RFX3: variants seen among roughly 807,000 people sequenced by gnomAD.
RFX3 encodes transcription factor RFX3.
RFX3 carries 14 observed loss-of-function variants against 98.6 expected under a neutral mutation model. That is an observed-to-expected ratio of 0.14 (90% CI 0.09 to 0.22). RFX3 has a LOEUF of 0.22. Among genes scored for constraint, RFX3 ranks in the 10% least tolerant of loss-of-function variants. The probability of loss-of-function intolerance (pLI) is 1.00; values close to 1 mark genes in which losing one functional copy is unlikely to be tolerated. For synonymous variants in RFX3, 383 were observed against 328.4 expected, an observed-to-expected ratio of 1.17 and a Z score of -1.80; for missense variants, 639 against 926.9, an observed-to-expected ratio of 0.69 and a Z score of 4.03.
chr9:3,387,922 T>C (rs1839897840), intron 2 of RFX3, among the ~76,000 whole-genome samples: 1 of 152,132 alleles, frequency 6.6e-6, no homozygotes, highest in African/African-American at 2.4e-5. Flanking sequence ...ACAAGAATGA[T>C]GGAGTGCACT....
chr9:3,363,708 T>G (rs933738616), intron 2 of RFX3, among the ~76,000 whole-genome samples: 2 of 152,186 alleles, frequency 1.3e-5, no homozygotes, highest in Admixed American at 1.3e-4. Context: ...AGTACAAAGA[T>G]ACAATGACAA....
At chr9:3,293,761 A>G (rs966483192) in intron 5 of RFX3, among the ~76,000 whole-genome samples, 3 of 152,148 alleles carry the variant, frequency 2.0e-5, no homozygotes, top group African/African-American at 7.2e-5. Context: ...TTTATCTCAA[A>G]TTACCACTAG....
chr9:3,495,289 T>C (rs1447785384), intron 1 of RFX3, among the ~76,000 whole-genome samples: 1 of 152,136 alleles, frequency 6.6e-6, no homozygotes, highest in East Asian at 1.9e-4. Context: ...AGACATAATA[T>C]GCAATTAAGC....
intron 11 of RFX3, among the ~76,000 whole-genome samples, chr9:3,268,827 G>C (rs1824002472): frequency 6.6e-6 from 1 of 151,914 alleles, no homozygotes; most frequent in African/African-American, 2.4e-5. Context: ...TTTTAGAACT[G>C]TTTAATGAAT....
intron 14 of RFX3, among the ~76,000 whole-genome samples, chr9:3,251,020 T>G (rs191511487): frequency 3.6e-4 from 55 of 152,342 alleles, no homozygotes; most frequent in Non-Finnish European, 5.4e-4. Context: ...TATATGAAGA[T>G]AATCATAACA....
chr9:3,375,585 AT>A (rs932716086), intron 2 of RFX3, among the ~76,000 whole-genome samples: 11 of 151,388 alleles, frequency 7.3e-5, no homozygotes, highest in African/African-American at 2.6e-4. Flanking sequence ...AAGTTATTTT[AT>A]TCTTGCTTTC....
At chr9:3,376,640 A>G (rs1271684547) in intron 2 of RFX3, among the ~76,000 whole-genome samples, 4 of 152,180 alleles carry the variant, frequency 2.6e-5, no homozygotes, top group Non-Finnish European at 4.4e-5. Flanking sequence ...AGAAACTACC[A>G]TCAGAGTGAA....
intron 8 of RFX3, among the ~76,000 whole-genome samples, chr9:3,276,523 T>A (rs1825247341): frequency 6.6e-6 from 1 of 152,124 alleles, no homozygotes; most frequent in African/African-American, 2.4e-5. Flanking sequence ...CAAAATAAAA[T>A]TCTTGTTGAA....
intron 9 of RFX3, among the ~76,000 whole-genome samples, chr9:3,274,965 T>C (rs1825007047): frequency 6.6e-6 from 1 of 152,048 alleles, no homozygotes. Flanking sequence ...AGTGAAAATA[T>C]GTATACATAA....
intron 1 of RFX3, among the ~76,000 whole-genome samples, chr9:3,414,784 A>ATATATGAGTATATATG (rs1842790653): frequency 7.4e-6 from 1 of 134,626 alleles, no homozygotes; most frequent in Admixed American, 7.9e-5. Flanking sequence ...GTATATATGT[A>ATATATGAGTATATATG]TATATGAGTA....
intron 15 of RFX3, among the ~76,000 whole-genome samples, chr9:3,239,531 G>A (rs927963641): frequency 1.3e-5 from 2 of 152,176 alleles, no homozygotes; most frequent in African/African-American, 4.8e-5. Flanking sequence ...TTTTCTGCCT[G>A]CCTTGGGGAC....
intron 2 of RFX3, among the ~76,000 whole-genome samples, chr9:3,356,963 G>GAACACA (rs1563979547): frequency 1.9e-4 from 27 of 140,926 alleles, no homozygotes; most frequent in African/African-American, 7.3e-4. Flanking sequence ...ATACACACAT[G>GAACACA]CACACACACG....
At chr9:3,466,421 A>C (rs1848224107) in intron 1 of RFX3, among the ~76,000 whole-genome samples, 1 of 152,200 alleles carries the variant, frequency 6.6e-6, no homozygotes, top group African/African-American at 2.4e-5. Context: ...GATGCAATAA[A>C]AGCAATGTTT....
In RFX3 at chr9:3,270,542, T is replaced by C. The variant is rs761157512; in HGVS notation, c.1203-17A>G. ...CTCAGATTGCTGGTGTGAATAAATGTAGCAAATGAATAGATGGCAAATGAG... is the reference window on the plus strand; with the variant it reads ...CTCAGATTGCTGGTGTGAATAAATGCAGCAAATGAATAGATGGCAAATGAG... On this transcript the variant is annotated splice_polypyrimidine_tract_variant and intron_variant, in intron 10 of 16. Transcript: ENST00000617270. The C allele has an allele frequency of 1.9e-6, 3 of 1,604,012 alleles. No homozygotes were observed. The highest frequency in any genetic ancestry group is 1.7e-6 in the Non-Finnish European group (2 of 1,176,328).
intron 1 of RFX3, among the ~76,000 whole-genome samples, chr9:3,507,257 T>C (rs1282739880): frequency 6.6e-6 from 1 of 151,888 alleles, no homozygotes; most frequent in African/African-American, 2.4e-5. Flanking sequence ...TAGAAGAGAT[T>C]AATTGAAGTA....
At chr9:3,329,265 A>C (rs1220128177) in intron 4 of RFX3, among the ~76,000 whole-genome samples, 1 of 151,770 alleles carries the variant, frequency 6.6e-6, no homozygotes, top group Non-Finnish European at 1.5e-5. Flanking sequence ...AAAATTAGCC[A>C]GGCATGGTGG....
At chr9:3,317,019 T>C (rs1331979199) in intron 4 of RFX3, among the ~76,000 whole-genome samples, 1 of 152,164 alleles carries the variant, frequency 6.6e-6, no homozygotes, top group Non-Finnish European at 1.5e-5. Context: ...AAAAAACTAC[T>C]TTAAAGTTCA....
chr9:3,376,103 T>A (rs1838457290), intron 2 of RFX3, among the ~76,000 whole-genome samples: 1 of 152,208 alleles, frequency 6.6e-6, no homozygotes, highest in Non-Finnish European at 1.5e-5. Context: ...TTATTAGTCA[T>A]CAGAGAAATA....
chr9:3,402,618 G>A (rs1174705059), intron 1 of RFX3, among the ~76,000 whole-genome samples: 2 of 151,716 alleles, frequency 1.3e-5, no homozygotes, highest in African/African-American at 2.4e-5. Context: ...TTAAAACATA[G>A]AACCAAAATT....
Sources: gnomAD v4.1 joint callset for allele counts (sites outside exome capture counted in the v4.1 genomes callset) on GRCh38, gnomAD v4.1.1 for gene constraint, MANE v1.5 for transcripts, NCBI Gene and HGNC (gene_info 2026-07-23, HGNC 2026-07-21) for gene names.